The following LRRC7 variants were observed in gnomAD, a reference collection of about 807,000 sequenced individuals.
LRRC7 encodes leucine rich repeat containing 7, also known as leucine-rich repeat-containing protein 7.
LRRC7 carries 23 observed loss-of-function variants against 175.7 expected under a neutral mutation model. That is an observed-to-expected ratio of 0.13 (90% CI 0.09 to 0.19). LRRC7 has a LOEUF of 0.19. Among genes scored for constraint, LRRC7 ranks in the 10% least tolerant of loss-of-function variants. The pLI is 1.00. For synonymous variants in LRRC7, 685 were observed against 680.9 expected, an observed-to-expected ratio of 1.01 and a Z score of -0.09; for missense variants, 1,354 against 1,904.7, an observed-to-expected ratio of 0.71 and a Z score of 5.38.
chr1:70,089,704 C>T (rs1663879132), intron 24 of LRRC7, 23 bp from the exon 25 acceptor site: 1 of 1,461,196 alleles, frequency 6.8e-7, no homozygotes, highest in Non-Finnish European at 9.5e-7. Flanking sequence ...GTTTACTTAC[C>T]ATTTTATATC....
At chr1:69,613,166 G>C (rs1259349147) in intron 1 of LRRC7, among the ~76,000 whole-genome samples, 1 of 152,056 alleles carries the variant, frequency 6.6e-6, no homozygotes. Flanking sequence ...CAGAACACTG[G>C]GAAGTCCAAG....
At chr1:69,633,231 T>C (rs1652786934) in intron 1 of LRRC7, among the ~76,000 whole-genome samples, 1 of 152,022 alleles carries the variant, frequency 6.6e-6, no homozygotes. Flanking sequence ...ATGAGTTAAA[T>C]CTACAATTAC....
At chr1:69,820,749 T>C (rs1679192117) in intron 4 of LRRC7, among the ~76,000 whole-genome samples, 1 of 152,210 alleles carries the variant, frequency 6.6e-6, no homozygotes, top group Admixed American at 6.5e-5. Context: ...ATTTTCTTTA[T>C]CCAGTCTATC....
intron 7 of LRRC7, among the ~76,000 whole-genome samples, chr1:69,865,269 G>T (rs1684785641): frequency 2.0e-5 from 3 of 151,970 alleles, no homozygotes; most frequent in Admixed American, 2.0e-4. Context: ...ACAACATGCA[G>T]CCAGTATTCG....
rs926564947 is a variant in LRRC7, at chr1:70,136,503, G to T, written c.*14616G>T. Among the ~76,000 whole-genome samples, 4 of 151,884 alleles carry T rather than the reference G, an allele frequency of 2.6e-5. No individual in the cohort carries two copies. The highest frequency in any genetic ancestry group is 9.7e-5 in the African/African-American group (4 of 41,342). ...ATCAACAAATGTTAATGAACAAGGG[G>T]TTATGTTCAAAATTCTATTATAAGA... On this transcript the variant is annotated 3_prime_UTR_variant, in exon 27 of 27. Transcript: ENST00000651989.
In LRRC7 at chr1:69,882,330, C is replaced by T. The variant is rs193177968; in HGVS notation, c.647+44047C>T. 3.3e-5 allele frequency among the ~76,000 whole-genome samples: 5 copies of T among 152,194 alleles called. No homozygotes were observed. The East Asian group carries it at 5.8e-4, about 18-fold the overall frequency. ...AAGATTCCTTAAAAAGTTAAAACTA[C>T]CATATGATCCAGCAATTCCCCTTCT... is the stretch of plus-strand genomic sequence containing the variant. On this transcript the variant is annotated intron_variant, in intron 7 of 26. Transcript: ENST00000651989.
chr1:70,110,326 G>A (rs1665439342), intron 26 of LRRC7, among the ~76,000 whole-genome samples: 1 of 152,156 alleles, frequency 6.6e-6, no homozygotes, highest in Non-Finnish European at 1.5e-5. Flanking sequence ...GCTGTAGTGA[G>A]CTGTGATTAT....
chr1:69,687,939 T>C lies in LRRC7; in HGVS notation c.100+9461T>C, dbSNP rs34536815. Among the ~76,000 whole-genome samples the C allele has an allele frequency of 4.3e-3, 660 of 152,368 alleles. 8 individuals carry two copies. Among genetic ancestry groups the C allele is most frequent in the African/African-American group, 0.015 (630 of 41,592 alleles). On this transcript the variant is annotated intron_variant, in intron 2 of 26. Transcript: ENST00000651989. ...ATAACTCAAGGATGGTTTTATAACC[T>C]GCCATTATTATAAAGTGTGATAATG... is the stretch of plus-strand genomic sequence containing the variant.
intron 1 of LRRC7, among the ~76,000 whole-genome samples, chr1:69,587,220 C>T (rs1415292708): frequency 1.3e-5 from 2 of 152,090 alleles, no homozygotes; most frequent in Non-Finnish European, 2.9e-5. Flanking sequence ...CTTCTTTCTT[C>T]CCTTATGAGC....
In LRRC7 at chr1:70,141,322, G is replaced by A. The variant is rs1350756930; in HGVS notation, c.*19435G>A. The A allele has an allele frequency of 1.3e-5, 2 of 152,094 alleles. No individual in the cohort carries two copies. Among genetic ancestry groups the A allele is most frequent in the Non-Finnish European group, 2.9e-5 (2 of 67,986 alleles). The allele number at this position is 152,094 out of a possible 1,614,324, so 9.4% of individuals were successfully genotyped here. A position where few individuals can be genotyped will look rare whatever the true frequency, so the allele number is the denominator to read the frequency against. ...CAGTAGAAAGGGAGCCTGCAAATGA[G>A]ACAATAGCTTCATGCAGACTTTGGC... is the stretch of plus-strand genomic sequence containing the variant. On this transcript the variant is annotated 3_prime_UTR_variant, in exon 27 of 27. Transcript: ENST00000651989.
intron 1 of LRRC7, among the ~76,000 whole-genome samples, chr1:69,602,278 C>T (rs906728854): frequency 6.6e-5 from 10 of 152,042 alleles, no homozygotes; most frequent in South Asian, 2.1e-4. Flanking sequence ...AGTCAACCGA[C>T]GGTATTAATG....
At chr1:70,028,917 T>G (rs559272553) in intron 18 of LRRC7, among the ~76,000 whole-genome samples, 1 of 152,316 alleles carries the variant, frequency 6.6e-6, no homozygotes, top group Admixed American at 6.5e-5. Flanking sequence ...TAGAAATCCA[T>G]CCTTATTGAT....
In LRRC7 at chr1:69,691,739, A is replaced by G. The variant is rs550099293; in HGVS notation, c.100+13261A>G. ...CTTGAGCCTGGGAGGTCGAGGCTGCAGTGAGTTGTGATTACACTGCTGCAC... is the reference window on the plus strand; with the variant it reads ...CTTGAGCCTGGGAGGTCGAGGCTGCGGTGAGTTGTGATTACACTGCTGCAC... On this transcript the variant is annotated intron_variant, in intron 2 of 26. Transcript: ENST00000651989. Among the ~76,000 whole-genome samples the G allele has an allele frequency of 7.7e-5, 11 of 143,198 alleles. 1 individual carries two copies. The South Asian group carries it at 2.6e-3, about 34-fold the overall frequency. 93.9% of individuals were successfully genotyped at this position (143,198 alleles called of 152,430 possible).
At chr1:69,969,315 T>G (rs773146250) in intron 8 of LRRC7, among the ~76,000 whole-genome samples, 1 of 152,108 alleles carries the variant, frequency 6.6e-6, no homozygotes, top group Non-Finnish European at 1.5e-5. Context: ...GTCTAAATGC[T>G]CCACTTAAAA....
chr1:69,778,883 T>TAC (rs566636911), intron 3 of LRRC7, among the ~76,000 whole-genome samples: 3 of 148,902 alleles, frequency 2.0e-5, no homozygotes, highest in African/African-American at 2.5e-5. Flanking sequence ...TACACACACA[T>TAC]ACACACACAC....
intron 4 of LRRC7, among the ~76,000 whole-genome samples, chr1:69,797,469 G>C (rs1021945876): frequency 1.3e-5 from 2 of 152,078 alleles, no homozygotes; most frequent in Non-Finnish European, 2.9e-5. Context: ...CCATTGTCCA[G>C]TTCTCTGTTA....
intron 2 of LRRC7, among the ~76,000 whole-genome samples, chr1:69,732,929 A>G (rs1287495581): frequency 6.6e-6 from 1 of 152,068 alleles, no homozygotes; most frequent in African/African-American, 2.4e-5. Flanking sequence ...TGGCCCAGGA[A>G]TTGATCCAGA....
At position 70,039,379 on chromosome 1, in the gene LRRC7, A is replaced by T. The variant is rs1571136295; in HGVS notation, c.3555A>T (p.Pro1185=). ...LPPTDRYGRP[P]YRGGLDRQSS... ...CAACTGATAGGTACGGCAGACCCCC[A>T]TATAGGGGAGGGCTGGATCGCCAAA... The change falls in exon 21 of 27, where the codon CCA becomes CCT. Residue 1185 remains proline, a synonymous_variant. Transcript: ENST00000651989. The T allele has an allele frequency of 2.5e-6, 4 of 1,614,042 alleles. No homozygotes were observed. Among genetic ancestry groups the T allele is most frequent in the Non-Finnish European group, 3.4e-6 (4 of 1,179,992 alleles).
chr1:69,850,835 C>T (rs1682895745), intron 7 of LRRC7, among the ~76,000 whole-genome samples: 1 of 152,036 alleles, frequency 6.6e-6, no homozygotes, highest in African/African-American at 2.4e-5. Context: ...TGGCTAGATA[C>T]ATAAATCATC....
Sources: allele counts gnomAD v4.1 joint callset (sites outside exome capture counted in the v4.1 genomes callset), GRCh38; gene constraint gnomAD v4.1.1; transcripts MANE v1.5; gene names NCBI Gene and HGNC (gene_info 2026-07-23, HGNC 2026-07-21).